ZMYND8: variants seen among roughly 807,000 people sequenced by gnomAD.
ZMYND8 encodes zinc finger MYND-type containing 8, also known as MYND-type zinc finger-containing chromatin reader ZMYND8.
In ZMYND8, 37 loss-of-function variants were observed where a neutral mutation model predicts 140.8. The ratio of observed to expected loss-of-function variants is 0.26; its 90% CI spans 0.20 to 0.35. The LOEUF (loss-of-function observed/expected upper bound fraction) is 0.35. Ranked by LOEUF, ZMYND8 falls within the 10% of genes least tolerant of loss-of-function variation. ZMYND8 has a pLI of 1.00. For missense variants in ZMYND8, 1,068 were observed against 1,570.0 expected, an observed-to-expected ratio of 0.68 and a Z score of 5.40; for synonymous variants, 592 against 597.1, an observed-to-expected ratio of 0.99 and a Z score of 0.12.
In ZMYND8 at chr20:47,277,651, T is replaced by TTTTATTTATTTATTTA. The variant is rs35308600; in HGVS notation, c.999-872_999-857dup. On this transcript the variant is annotated intron_variant, in intron 10 of 22. Coordinates refer to ENST00000471951, the MANE Select transcript of ZMYND8 (RefSeq NM_001281775.3). Reference sequence around the variant, plus strand: ...ATTTTTTGTTTGTTTAATTAATTCATTTTATTTATTTATTTATTTATTTAT... The same window carrying TTTTATTTATTTATTTA: ...ATTTTTTGTTTGTTTAATTAATTCATTTTATTTATTTATTTATTTATTTATTTATTTATTTATTTAT... Among the ~76,000 whole-genome samples the TTTTATTTATTTATTTA allele has an allele frequency of 1.1e-3, 160 of 147,620 alleles. 3 individuals carry two copies. The highest frequency in any genetic ancestry group is 4.6e-4 in the Non-Finnish European group (31 of 67,196).
At position 47,290,176 on chromosome 20, in the gene ZMYND8, A is replaced by C; in HGVS notation, c.748+11T>G. 6.2e-7 allele frequency: 1 copy of C among 1,612,396 alleles called. No individual in the cohort carries two copies. The highest frequency in any genetic ancestry group is 8.5e-7 in the Non-Finnish European group (1 of 1,179,210). ...GCATACTCTTTCTTAGGAGTCATCT[A>C]AGCCACTCACCCCCATTATAAATGA... On this transcript the variant is annotated intron_variant, in intron 7 of 22. Coordinates refer to ENST00000471951, the MANE Select transcript of ZMYND8 (RefSeq NM_001281775.3).
intron 15 of ZMYND8, chr20:47,238,031 G>A (rs2039459550): frequency 6.6e-6 from 1 of 152,216 alleles, no homozygotes; most frequent in Non-Finnish European, 1.5e-5. Context: ...TTCTCGCACT[G>A]TACTTTTTCC....
chr20:47,262,817 C>A (rs984016684), intron 11 of ZMYND8, among the ~76,000 whole-genome samples: 1 of 152,150 alleles, frequency 6.6e-6, no homozygotes, highest in Admixed American at 6.5e-5. Context: ...CTTACAAATG[C>A]GTATCATCTG....
intron 14 of ZMYND8, among the ~76,000 whole-genome samples, chr20:47,245,510 T>G (rs1025683208): frequency 2.0e-5 from 3 of 152,194 alleles, no homozygotes; most frequent in African/African-American, 7.2e-5. Context: ...CCTCCCCAAG[T>G]GCTGGGATTA....
chr20:47,220,128 G>GCA lies in ZMYND8; in HGVS notation c.3484+128_3484+129dup. 6 of 757,320 alleles carry GCA rather than the reference G, an allele frequency of 7.9e-6. No individual in the cohort carries two copies. In the South Asian group the frequency reaches 1.1e-4, roughly 14 times the overall value. 46.9% of individuals were successfully genotyped at this position (757,320 alleles called of 1,614,324 possible). A position where few individuals can be genotyped will look rare whatever the true frequency, so the allele number is the denominator to read the frequency against. ...CCTCACCCCCACTGACCCACCCCAG[G>GCA]CACCCCTAAGGATCCATAATCGTTT... On this transcript the variant is annotated intron_variant, in intron 21 of 22. Coordinates refer to ENST00000471951, the MANE Select transcript of ZMYND8 (RefSeq NM_001281775.3).
chr20:47,248,975 G>GACA (rs1568987242), intron 13 of ZMYND8, among the ~76,000 whole-genome samples: 1 of 151,616 alleles, frequency 6.6e-6, no homozygotes, highest in African/African-American at 2.4e-5. Flanking sequence ...GATGCGTACT[G>GACA]AGGAGAGCAG....
chr20:47,256,327 A>T (rs909777686), intron 12 of ZMYND8, among the ~76,000 whole-genome samples: 7 of 152,070 alleles, frequency 4.6e-5, no homozygotes, highest in South Asian at 4.1e-4. Context: ...ATTATTTTTT[A>T]AAAAAAGAGA....
chr20:47,274,223 A>C (rs951862621), intron 11 of ZMYND8, among the ~76,000 whole-genome samples: 3 of 152,236 alleles, frequency 2.0e-5, no homozygotes, highest in African/African-American at 7.2e-5. Context: ...ACCAATGGTC[A>C]TATATATGCC....
intron 2 of ZMYND8, among the ~76,000 whole-genome samples, chr20:47,322,106 C>G (rs2148362943): frequency 6.6e-6 from 1 of 152,256 alleles, no homozygotes; most frequent in Non-Finnish European, 1.5e-5. Flanking sequence ...AGCAATCCCT[C>G]TGCCTCAGCC....
Position 47,330,738 on chromosome 20 carries a change from T to C in ZMYND8, c.85+17118A>G, listed in dbSNP as rs565725872. On this transcript the variant is annotated intron_variant, in intron 2 of 22. Coordinates refer to ENST00000471951, the MANE Select transcript of ZMYND8 (RefSeq NM_001281775.3). ...TAATAATCTCCAGGCACTGGATTAA[T>C]GCTGAAAACAAAGCCATCCTCTCTC... Among the ~76,000 whole-genome samples, 5 of 152,324 alleles carry C rather than the reference T, an allele frequency of 3.3e-5. No homozygotes were observed. In the South Asian group the frequency reaches 1.0e-3, roughly 32 times the overall value.
chr20:47,347,750 A>T, intron 2 of ZMYND8, 106 bp downstream of exon 2: 1 of 1,069,614 alleles, frequency 9.3e-7, no homozygotes, highest in Non-Finnish European at 1.4e-6. Context: ...AAGAAGAGTT[A>T]CAACGTCGGC....
chr20:47,224,190 G>GA lies in ZMYND8; in HGVS notation c.3256+126dup. 4 of 1,455,020 alleles carry GA rather than the reference G, an allele frequency of 2.7e-6. No homozygotes were observed. The South Asian group carries it at 5.3e-5, about 19-fold the overall frequency. 90.1% of individuals were successfully genotyped at this position (1,455,020 alleles called of 1,614,324 possible). On this transcript the variant is annotated intron_variant, in intron 19 of 22. Transcript: ENST00000471951. ...CTGTGTGTAAGACACAATTGTTTTT[G>GA]AGTGAAAGTGTCCAGAAGCCAGGCA...
At chr20:47,282,723 C>CAA (rs10665029) in intron 9 of ZMYND8, among the ~76,000 whole-genome samples, 22,902 of 118,436 alleles carry the variant, frequency 0.19, 1,940 homozygotes, top group Middle Eastern at 0.25. Flanking sequence ...AACTCCATCT[C>CAA]AAAAAAAAAA....
rs1396795046 is a variant in ZMYND8 at position 47,246,379 on chromosome 20, T to C, written c.1913A>G (p.Glu638Gly). ...QKSKNEPEDT[E>G]DKEGCQMDKE... The stretch of plus-strand genomic sequence containing the variant: ...GTCCATCTGACAACCTTCTTTGTCC[T>C]CTGTGTCTTCTGGCTCGTTCTTAGA... The change falls in exon 14 of 23, where the codon GAG becomes GGG. Residue 638 changes from glutamate to glycine, a missense_variant. Physicochemically the swap from Glu to Gly is moderately conservative, Grantham distance 98 (BLOSUM62 -2). This residue lies in a region of ZMYND8 where 383 missense variants were observed against 431.2 expected (regional missense o/e 0.89). Coordinates refer to ENST00000471951, the MANE Select transcript of ZMYND8 (RefSeq NM_001281775.3). 1.2e-5 allele frequency: 19 copies of C among 1,614,136 alleles called. No individual in the cohort carries two copies. Among genetic ancestry groups the C allele is most frequent in the Non-Finnish European group, 1.6e-5 (19 of 1,179,996 alleles).
At chr20:47,250,542 C>A (rs1361550417) in intron 12 of ZMYND8, among the ~76,000 whole-genome samples, 2 of 152,218 alleles carry the variant, frequency 1.3e-5, no homozygotes, top group Non-Finnish European at 2.9e-5. Context: ...CCCTGGACTT[C>A]GTGCTTCATC....
At chr20:47,289,056 C>G (rs938142507) in intron 7 of ZMYND8, among the ~76,000 whole-genome samples, 1 of 152,138 alleles carries the variant, frequency 6.6e-6, no homozygotes, top group Admixed American at 6.5e-5. Context: ...GAGCTGAGAT[C>G]ACACCACTGC....
intron 16 of ZMYND8, among the ~76,000 whole-genome samples, chr20:47,230,083 C>T (rs2147065828): frequency 6.6e-6 from 1 of 152,270 alleles, no homozygotes; most frequent in Non-Finnish European, 1.5e-5. Flanking sequence ...AAACAATGAC[C>T]TACGAGCCCA....
chr20:47,319,113 C>T (rs1367253417), intron 2 of ZMYND8: 1 of 1,174,674 alleles, frequency 8.5e-7, no homozygotes, highest in South Asian at 1.3e-5. Flanking sequence ...CACCACTTAC[C>T]AGGCCAGCCC....
rs751834357 is a variant in ZMYND8 at position 47,261,585 on chromosome 20, TCA to T, written c.1621+701_1621+702del. 3.0e-3 allele frequency among the ~76,000 whole-genome samples: 429 copies of T among 144,868 alleles called. 2 individuals are homozygous for T. The highest frequency in any genetic ancestry group is 0.029 in the Middle Eastern group (8 of 276). On this transcript the variant is annotated intron_variant, in intron 12 of 22. Coordinates refer to ENST00000471951, the MANE Select transcript of ZMYND8 (RefSeq NM_001281775.3). The stretch of plus-strand genomic sequence containing the variant: ...ATCATCATCATCATCATCATCATCA[TCA>T]TCATCATCCAGGGAATAAAGACCAG...
Sources: allele counts gnomAD v4.1 joint callset (sites outside exome capture counted in the v4.1 genomes callset), GRCh38; gene constraint gnomAD v4.1.1; regional missense constraint gnomAD v4.1.1; transcripts MANE v1.5; gene names NCBI Gene and HGNC (gene_info 2026-07-23, HGNC 2026-07-21).